Variants in KLHL29 observed in about 807,000 individuals in gnomAD.
KLHL29 encodes kelch like family member 29, also known as kelch-like protein 29.
A neutral mutation model predicts 80.4 loss-of-function variants in KLHL29; 21 were observed. The observed-to-expected ratio is 0.26, with a 90% CI of 0.19 to 0.38. The LOEUF is 0.38. Among genes scored for constraint, KLHL29 ranks in the 10% least tolerant of loss-of-function variants. The pLI is 1.00. For missense variants in KLHL29, 867 were observed against 1,223.9 expected (o/e 0.71, Z 4.35); for synonymous variants, 511 against 526.8 (o/e 0.97, Z 0.41).
intron 1 of KLHL29, among the ~76,000 whole-genome samples, chr2:23,466,983 G>A (rs933588870): frequency 1.3e-5 from 2 of 152,076 alleles, no homozygotes; most frequent in Admixed American, 6.5e-5. Context: ...AGGAAGCCCC[G>A]GGTCTCATCC....
chr2:23,703,629 C>G, intron 12 of KLHL29, 90 bp from the exon 13 acceptor site: 1 of 1,408,332 alleles, frequency 7.1e-7, no homozygotes, highest in Non-Finnish European at 9.4e-7. Flanking sequence ...GTCTTTCGAG[C>G]TTCCTTCCCT....
intron 7 of KLHL29, among the ~76,000 whole-genome samples, chr2:23,692,926 C>G (rs1393339560): frequency 2.6e-5 from 4 of 152,190 alleles, no homozygotes; most frequent in African/African-American, 7.2e-5. Context: ...GTGCCACCCT[C>G]AACCTCAGCG....
chr2:23,654,267 C>G (rs926050140), intron 5 of KLHL29, among the ~76,000 whole-genome samples: 1 of 152,122 alleles, frequency 6.6e-6, no homozygotes, highest in Non-Finnish European at 1.5e-5. Flanking sequence ...AGAGCACCTT[C>G]GAGAGCCAGA....
rs928699381 is a variant in KLHL29, at chr2:23,695,772, C to A, written c.1692C>A (p.His564Gln). ...CCAAACGCTACCATATGCTGCCCCA[C>A]GCCCGCCAGGAGATGCAGACGCCCC... The part of the protein sequence containing the change: ...NEAKRYHMLP[H>Q]ARQEMQTPRT... Residue 564 changes from histidine to glutamine, a missense_variant, in exon 9 of 14, where the codon CAC (histidine) becomes CAA (glutamine). Physicochemically the swap from His to Gln is conservative, Grantham distance 24. Transcript: ENST00000486442. The surrounding 1 kb of genome is among the most constrained non-coding windows in gnomAD (Gnocchi z 7.6). 2.6e-6 allele frequency: 4 copies of A among 1,551,124 alleles called. No individual in the cohort carries two copies. The Admixed American group carries it at 5.9e-5, about 23-fold the overall frequency.
intron 2 of KLHL29, among the ~76,000 whole-genome samples, chr2:23,550,803 A>G (rs1266295074): frequency 6.6e-6 from 1 of 152,266 alleles, no homozygotes; most frequent in Non-Finnish European, 1.5e-5. Flanking sequence ...GGATTCATTC[A>G]TCAGCTTGGG....
intron 1 of KLHL29, among the ~76,000 whole-genome samples, chr2:23,453,836 G>A (rs143509975): frequency 2.6e-4 from 40 of 152,176 alleles, no homozygotes; most frequent in African/African-American, 9.4e-4. Flanking sequence ...CGGGCTCACT[G>A]GTAACTTACA....
intron 1 of KLHL29, among the ~76,000 whole-genome samples, chr2:23,433,669 TTTGAGAGG>T (rs2103409871): frequency 1.3e-5 from 2 of 152,246 alleles, no homozygotes; most frequent in South Asian, 4.1e-4. Context: ...ATCCCAGCAC[TTTGAGAGG>T]TTGAAGTAGG....
chr2:23,541,698 C>T (rs563394568), intron 2 of KLHL29, among the ~76,000 whole-genome samples: 13 of 151,588 alleles, frequency 8.6e-5, no homozygotes, highest in South Asian at 2.1e-4. Context: ...GTGCATTCAC[C>T]GTTCTTTCTC....
intron 3 of KLHL29, among the ~76,000 whole-genome samples, chr2:23,581,697 G>C (rs1667986106): frequency 6.6e-6 from 1 of 151,902 alleles, no homozygotes; most frequent in South Asian, 2.1e-4. Flanking sequence ...GCGTGGTAGT[G>C]CGTACCTGTA....
intron 1 of KLHL29, among the ~76,000 whole-genome samples, chr2:23,447,287 CATG>C (rs1298655313): frequency 1.3e-5 from 2 of 152,208 alleles, no homozygotes; most frequent in African/African-American, 2.4e-5. Flanking sequence ...TCCCTCACTT[CATG>C]ATACTTCTCC....
chr2:23,419,044 C>A (rs72776732), intron 1 of KLHL29, among the ~76,000 whole-genome samples: 1 of 152,142 alleles, frequency 6.6e-6, no homozygotes, highest in African/African-American at 2.4e-5. Context: ...CCCCGTCACA[C>A]GCCCCATTGG....
At chr2:23,403,456 G>T (rs921547378) in intron 1 of KLHL29, among the ~76,000 whole-genome samples, 7 of 152,070 alleles carry the variant, frequency 4.6e-5, no homozygotes, top group African/African-American at 1.7e-4. Flanking sequence ...TCCATGCTGG[G>T]GCTCCAGTAA....
chr2:23,421,746 G>A (rs1160114221), intron 1 of KLHL29, among the ~76,000 whole-genome samples: 3 of 150,830 alleles, frequency 2.0e-5, no homozygotes, highest in Non-Finnish European at 4.4e-5. Flanking sequence ...GTATGTGTGT[G>A]TGTTCATGTG....
rs570182924 is a variant in KLHL29 at position 23,569,056 on chromosome 2, G to T, written c.285+6575G>T. 3.3e-5 allele frequency among the ~76,000 whole-genome samples: 5 copies of T among 152,342 alleles called. No individual in the cohort carries two copies. The South Asian group carries it at 1.0e-3, about 32-fold the overall frequency. On this transcript the variant is annotated intron_variant, in intron 3 of 13. Coordinates refer to ENST00000486442, the MANE Select transcript of KLHL29 (RefSeq NM_052920.2). ...CTGACCTTGGCTTCTAAGTTCAGAA[G>T]CTCCAATGCTTGATCCTGTCACCAC...
chr2:23,690,640 G>A (rs1468544799), intron 6 of KLHL29: 1 of 152,196 alleles, frequency 6.6e-6, no homozygotes, highest in African/African-American at 2.4e-5. Flanking sequence ...CTACTCAGAG[G>A]AGCCAGGATG....
chr2:23,564,219 C>T (rs761522073), intron 3 of KLHL29, among the ~76,000 whole-genome samples: 2 of 152,138 alleles, frequency 1.3e-5, no homozygotes, highest in Non-Finnish European at 2.9e-5. Flanking sequence ...GGGGCTCCCC[C>T]ACAGGGCTGT....
At chr2:23,570,109 C>T (rs192082958) in intron 3 of KLHL29, among the ~76,000 whole-genome samples, 40 of 152,260 alleles carry the variant, frequency 2.6e-4, no homozygotes, top group Admixed American at 6.5e-4. Context: ...CTCTAGAACC[C>T]GTAGGCAAGA....
At chr2:23,531,841 C>T (rs1227631586) in intron 2 of KLHL29, among the ~76,000 whole-genome samples, 1 of 152,218 alleles carries the variant, frequency 6.6e-6, no homozygotes, top group African/African-American at 2.4e-5. Context: ...ATCTGTTCCT[C>T]ATCAGCAGAC....
chr2:23,609,416 C>T (rs1171476586), intron 3 of KLHL29, among the ~76,000 whole-genome samples: 1 of 152,086 alleles, frequency 6.6e-6, no homozygotes, highest in East Asian at 1.9e-4. Flanking sequence ...GAGAAGGCAG[C>T]AATCAGAGAT....
Sources: gnomAD v4.1 joint callset for allele counts (sites outside exome capture counted in the v4.1 genomes callset) on GRCh38, gnomAD v4.1.1 for gene constraint, Gnocchi (gnomAD v3.1) non-coding constraint, MANE v1.5 for transcripts, NCBI Gene and HGNC (gene_info 2026-07-23, HGNC 2026-07-21) for gene names.